TRAPPC6B: variants seen among roughly 807,000 people sequenced by gnomAD.
TRAPPC6B encodes TRAPP complex subunit 6B.
A neutral mutation model predicts 24.7 loss-of-function variants in TRAPPC6B; 27 were observed. The ratio of observed to expected loss-of-function variants is 1.09; its 90% CI spans 0.81 to 1.51. TRAPPC6B has a LOEUF of 1.51. Among genes scored for constraint, TRAPPC6B ranks in the 40% most tolerant of loss-of-function variants. The probability of loss-of-function intolerance (pLI) is 0.00; values close to 1 mark genes in which losing one functional copy is unlikely to be tolerated. For missense variants in TRAPPC6B, 212 were observed against 190.8 expected (o/e 1.11, Z -0.66); for synonymous variants, 80 against 66.6 (o/e 1.20, Z -0.98).
At chr14:39,166,264 AAAAAAC>A (rs763978723) in intron 1 of TRAPPC6B, among the ~76,000 whole-genome samples, 19,401 of 136,094 alleles carry the variant, frequency 0.14, 1,260 homozygotes, top group Admixed American at 0.18. Context: ...TTAAAAAAAA[AAAAAAC>A]AAAAAAACAA....
At chr14:39,161,407 A>G (rs536479060) in intron 1 of TRAPPC6B, among the ~76,000 whole-genome samples, 1 of 152,310 alleles carries the variant, frequency 6.6e-6, no homozygotes, top group African/African-American at 2.4e-5. Context: ...CCTTCTGCGT[A>G]TTAGCAACTT....
At chr14:39,158,673 C>T (rs964727898) in intron 2 of TRAPPC6B, 7 of 314,948 alleles carry the variant, frequency 2.2e-5, no homozygotes, top group Non-Finnish European at 4.1e-5. Flanking sequence ...AGGCACATGT[C>T]ACCATGCTCA....
intron 2 of TRAPPC6B, 109 bp from the exon 3 acceptor site, chr14:39,158,511 G>T: frequency 1.5e-6 from 1 of 686,498 alleles, no homozygotes; most frequent in South Asian, 1.8e-5. Flanking sequence ...CATTTATTGG[G>T]TTTTTTAATT....
intron 3 of TRAPPC6B, among the ~76,000 whole-genome samples, chr14:39,154,719 C>T (rs2052955660): frequency 6.6e-6 from 1 of 151,964 alleles, no homozygotes; most frequent in Non-Finnish European, 1.5e-5. Flanking sequence ...CGTGCCCAGC[C>T]TGGTCAAATT....
intron 1 of TRAPPC6B, among the ~76,000 whole-genome samples, chr14:39,160,951 C>G (rs149866852): frequency 4.6e-4 from 70 of 152,262 alleles, no homozygotes; most frequent in African/African-American, 1.6e-3. Context: ...TAACATTTTA[C>G]TACTATGAAA....
At position 39,152,585 on chromosome 14, in the gene TRAPPC6B, A is replaced by G. The variant is rs74526086; in HGVS notation, c.352-746T>C. On this transcript the variant is annotated intron_variant, in intron 4 of 5. Coordinates refer to ENST00000330149, the MANE Select transcript of TRAPPC6B (RefSeq NM_001079537.2). ...AAATATTATCTTATAAATAATATAC[A>G]TAAATGGGCACTAATAAGTAACTAG... is the stretch of plus-strand genomic sequence containing the variant. Among the ~76,000 whole-genome samples, 17 of 152,296 alleles carry G rather than the reference A, an allele frequency of 1.1e-4. 1 individual carries two copies. The East Asian group carries it at 3.3e-3, about 29-fold the overall frequency.
At chr14:39,169,834 A>G (rs1203576975) in intron 1 of TRAPPC6B, among the ~76,000 whole-genome samples, 181 bp downstream of exon 1, 1 of 152,248 alleles carries the variant, frequency 6.6e-6, no homozygotes, top group East Asian at 1.9e-4. Flanking sequence ...AAACGATGAA[A>G]GATGACGGTT....
chr14:39,156,569 A>G (rs1418971700), intron 3 of TRAPPC6B, among the ~76,000 whole-genome samples: 1 of 152,178 alleles, frequency 6.6e-6, no homozygotes, highest in Non-Finnish European at 1.5e-5. Flanking sequence ...TCTCCCTTTT[A>G]AAATTTTAAT....
In TRAPPC6B at chr14:39,152,580, TATACATAA is replaced by T. The variant is rs2052927756; in HGVS notation, c.352-749_352-742del. On this transcript the variant is annotated intron_variant, in intron 4 of 5. Transcript: ENST00000330149. ...ATATAAAATATTATCTTATAAATAA[TATACATAA>T]ATGGGCACTAATAAGTAACTAGATC... Among the ~76,000 whole-genome samples, 4 of 152,240 alleles carry T rather than the reference TATACATAA, an allele frequency of 2.6e-5. 1 individual carries two copies. In the South Asian group the frequency reaches 8.3e-4, roughly 32 times the overall value.
intron 4 of TRAPPC6B, among the ~76,000 whole-genome samples, chr14:39,153,031 G>A (rs1229754520): frequency 6.6e-6 from 1 of 151,804 alleles, no homozygotes. Context: ...TTGTAATCAC[G>A]TCTGTAATCC....
In TRAPPC6B at chr14:39,170,030, C is replaced by T. The variant is rs928359721; in HGVS notation, c.66G>A (p.Ala22=). 1 of 1,614,040 alleles carries T rather than the reference C, an allele frequency of 6.2e-7. No homozygotes were observed. Among genetic ancestry groups the T allele is most frequent in the Non-Finnish European group, 8.5e-7 (1 of 1,180,032 alleles). Residue 22 remains alanine, a synonymous_variant, in exon 1 of 6, where the codon GCG becomes GCA. Transcript: ENST00000330149. Reference sequence around the variant, plus strand: ...CAGCACTCACCACCTCCCCCTGCTCCGCGGACTTGTACACTCCAGACACCA... The same window carrying T: ...CAGCACTCACCACCTCCCCCTGCTCTGCGGACTTGTACACTCCAGACACCA... ...NEMVSGVYKS[A]EQGEVENGRC...
chr14:39,153,596 A>T (rs948864820), intron 4 of TRAPPC6B, among the ~76,000 whole-genome samples: 1 of 148,012 alleles, frequency 6.8e-6, no homozygotes, highest in Non-Finnish European at 1.5e-5. Flanking sequence ...GTACCACTAC[A>T]CTCCAGCCTA....
At chr14:39,154,077 C>T (rs2052947753) in intron 4 of TRAPPC6B, 134 bp downstream of exon 4, 14 of 582,942 alleles carry the variant, frequency 2.4e-5, no homozygotes, top group Non-Finnish European at 3.9e-5. Flanking sequence ...TCTCTCATTT[C>T]ATAGAAAACT....
chr14:39,153,340 C>CA (rs1202391043), intron 4 of TRAPPC6B, among the ~76,000 whole-genome samples: 1 of 151,652 alleles, frequency 6.6e-6, no homozygotes, highest in Non-Finnish European at 1.5e-5. Flanking sequence ...AGAAAATAGG[C>CA]AATCAGGCCG....
intron 1 of TRAPPC6B, among the ~76,000 whole-genome samples, chr14:39,168,064 A>C (rs1434794863): frequency 6.6e-6 from 1 of 152,006 alleles, no homozygotes; most frequent in Admixed American, 6.6e-5. Context: ...AAATACAAAA[A>C]AATTAGTCAG....
chr14:39,155,681 C>G (rs1248175057), intron 3 of TRAPPC6B, among the ~76,000 whole-genome samples: 1 of 152,036 alleles, frequency 6.6e-6, no homozygotes, highest in East Asian at 1.9e-4. Context: ...GGACTATAAG[C>G]GTGCGCCAAT....
chr14:39,149,007 T>C lies in TRAPPC6B; in HGVS notation c.*1343A>G, dbSNP rs2052886681. The C allele has an allele frequency of 5.6e-6, 2 of 354,862 alleles. No individual in the cohort carries two copies. The allele number at this position is 354,862 out of a possible 1,614,324, so 22.0% of individuals were successfully genotyped here. A position where few individuals can be genotyped will look rare whatever the true frequency, so the allele number is the denominator to read the frequency against. On this transcript the variant is annotated 3_prime_UTR_variant, in exon 6 of 6. Coordinates refer to ENST00000330149, the MANE Select transcript of TRAPPC6B (RefSeq NM_001079537.2). Reference sequence around the variant, plus strand: ...TAAAGAAGGTACAGTAAAAATACAGTATTGTAATCTTATGGAACCACTGCC... The same window carrying C: ...TAAAGAAGGTACAGTAAAAATACAGCATTGTAATCTTATGGAACCACTGCC...
chr14:39,163,836 C>T (rs868321466), intron 1 of TRAPPC6B, among the ~76,000 whole-genome samples: 7 of 150,896 alleles, frequency 4.6e-5, no homozygotes, highest in Admixed American at 2.0e-4. Context: ...ACAGGACCTT[C>T]GAAGTATGCA....
chr14:39,151,760 G>T lies in TRAPPC6B; in HGVS notation c.431C>A (p.Ser144Tyr). 1 of 1,592,218 alleles carries T rather than the reference G, an allele frequency of 6.3e-7. No homozygotes were observed. The highest frequency in any genetic ancestry group is 1.2e-5 in the South Asian group (1 of 86,170). The stretch of plus-strand genomic sequence containing the variant: ...ATTCAACTTACAAGCAGGCATTGAA[G>T]ACACTTCAGCTGTTACAATACTTTT... ...GIKSIVTAEV[S>Y]SMPACKFQVM... The change falls in exon 5 of 6, where the codon TCT becomes TAT. Residue 144 changes from serine (S) to tyrosine (Y), a missense_variant. Physicochemically the swap from Ser to Tyr is moderately radical, Grantham distance 144 (BLOSUM62 -2). Coordinates refer to ENST00000330149, the MANE Select transcript of TRAPPC6B (RefSeq NM_001079537.2).
Sources: gnomAD v4.1 joint callset for allele counts (sites outside exome capture counted in the v4.1 genomes callset) on GRCh38, gnomAD v4.1.1 for gene constraint, MANE v1.5 for transcripts, NCBI Gene and HGNC (gene_info 2026-07-23, HGNC 2026-07-21) for gene names.